Variants in TMED5 observed in about 807,000 individuals in gnomAD.
TMED5 encodes the protein transmembrane p24 trafficking protein 5.
In TMED5, 27 loss-of-function variants were observed where a neutral mutation model predicts 23.0. The observed-to-expected ratio is 1.17, with a 90% CI of 0.86 to 1.62. The LOEUF is 1.62. Ranked by LOEUF, TMED5 falls within the 40% of genes most tolerant of loss-of-function variation. The probability of loss-of-function intolerance (pLI) is 0.00; values close to 1 mark genes in which losing one functional copy is unlikely to be tolerated. For synonymous variants in TMED5, 97 were observed against 100.8 expected (o/e 0.96, Z 0.23); for missense variants, 248 against 273.7 (o/e 0.91, Z 0.66).
In TMED5 at chr1:93,154,396, AT is replaced by A; in HGVS notation, c.*273del. 1 of 394,860 alleles carries A rather than the reference AT, an allele frequency of 2.5e-6. No individual in the cohort carries two copies. The highest frequency in any genetic ancestry group is 4.5e-6 in the Non-Finnish European group (1 of 221,324). The allele number at this position is 394,860 out of a possible 1,614,324, so 24.5% of individuals were successfully genotyped here. The stretch of plus-strand genomic sequence containing the variant: ...TTAAATCACCTAAGACATTTGCAAA[AT>A]TTTTCAAAGTTAGGAAAATGCAGTT... On this transcript the variant is annotated 3_prime_UTR_variant, in exon 4 of 4. Coordinates refer to ENST00000370282, the MANE Select transcript of TMED5 (RefSeq NM_016040.5).
At chr1:93,155,803 T>C (rs1008960243) in intron 3 of TMED5, among the ~76,000 whole-genome samples, 4 of 152,168 alleles carry the variant, frequency 2.6e-5, no homozygotes, top group African/African-American at 7.2e-5. Context: ...AAAAACCCAA[T>C]TGATATAACT....
chr1:93,173,187 C>A (rs1359319859), intron 1 of TMED5, among the ~76,000 whole-genome samples: 1 of 152,162 alleles, frequency 6.6e-6, no homozygotes, highest in Non-Finnish European at 1.5e-5. Flanking sequence ...TTCAAAATAA[C>A]TGAGACTGAA....
chr1:93,171,968 G>T (rs1181527357), intron 1 of TMED5, among the ~76,000 whole-genome samples: 1 of 152,098 alleles, frequency 6.6e-6, no homozygotes, highest in Non-Finnish European at 1.5e-5. Context: ...GATGATCACA[G>T]CAATGGGTAT....
At chr1:93,169,680 A>C (rs1247047853) in intron 1 of TMED5, among the ~76,000 whole-genome samples, 5 of 152,170 alleles carry the variant, frequency 3.3e-5, no homozygotes, top group African/African-American at 1.2e-4. Flanking sequence ...AACCAAGAAA[A>C]AAAAGAGAAA....
chr1:93,165,382 A>G (rs1170476055), intron 1 of TMED5, among the ~76,000 whole-genome samples: 1 of 152,226 alleles, frequency 6.6e-6, no homozygotes, highest in African/African-American at 2.4e-5. Flanking sequence ...GTTCAAAGTA[A>G]TAATAGCAAC....
chr1:93,174,927 T>C (rs1439639595), intron 1 of TMED5, among the ~76,000 whole-genome samples: 4 of 151,994 alleles, frequency 2.6e-5, no homozygotes, highest in South Asian at 2.1e-4. Flanking sequence ...TCTTTGCTAT[T>C]GTGAATAGTG....
intron 3 of TMED5, chr1:93,155,980 G>T: frequency 3.4e-6 from 3 of 882,898 alleles, no homozygotes; most frequent in South Asian, 2.1e-5. Flanking sequence ...ATAATCAGAA[G>T]CATAATCTAT....
rs2101122676 is a variant in TMED5, at chr1:93,154,987, C to G, written c.472-99G>C. On this transcript the variant is annotated intron_variant, in intron 3 of 3. Transcript: ENST00000370282. Reference sequence around the variant, plus strand: ...GTGCAGTGACTCATGCCTTGTAATCCTGGAACTTTGGGAGACTAGGGCAGG... The same window carrying G: ...GTGCAGTGACTCATGCCTTGTAATCGTGGAACTTTGGGAGACTAGGGCAGG... 3 of 887,646 alleles carry G rather than the reference C, an allele frequency of 3.4e-6. No individual in the cohort carries two copies. The East Asian group carries it at 8.0e-5, about 24-fold the overall frequency. The allele number at this position is 887,646 out of a possible 1,614,324, so 55.0% of individuals were successfully genotyped here.
At chr1:93,175,410 G>T (rs1004508562) in intron 1 of TMED5, among the ~76,000 whole-genome samples, 1 of 144,084 alleles carries the variant, frequency 6.9e-6, no homozygotes, top group Non-Finnish European at 1.5e-5. Flanking sequence ...ATATGTATAT[G>T]AATATATTAT....
chr1:93,159,995 A>G, intron 2 of TMED5, 134 bp downstream of exon 2: 1 of 560,448 alleles, frequency 1.8e-6, no homozygotes, highest in South Asian at 2.7e-5. Context: ...ATGGCACACT[A>G]TCATGAACTG....
In TMED5 at chr1:93,167,739, CTTTA is replaced by C. The variant is rs1037910084; in HGVS notation, c.190-7517_190-7514del. Among the ~76,000 whole-genome samples, 19 of 152,090 alleles carry C rather than the reference CTTTA, an allele frequency of 1.2e-4. No homozygotes were observed. In the East Asian group the frequency reaches 3.1e-3, roughly 25 times the overall value. On this transcript the variant is annotated intron_variant, in intron 1 of 3. Transcript: ENST00000370282. ...CTTCTTCCTTTCCAAATTGGATGCCCTTTATTTGTTTCTCTTCTCTGACTGCTGT... is the reference window on the plus strand; with the variant it reads ...CTTCTTCCTTTCCAAATTGGATGCCCTTTGTTTCTCTTCTCTGACTGCTGT...
chr1:93,161,567 G>C (rs1421114666), intron 1 of TMED5: 5 of 152,124 alleles, frequency 3.3e-5, no homozygotes, highest in African/African-American at 1.2e-4. Context: ...CATTGCCAAG[G>C]TCTCATTTTG....
intron 2 of TMED5, among the ~76,000 whole-genome samples, chr1:93,159,045 AATT>A (rs536856726): frequency 4.1e-4 from 63 of 152,274 alleles, no homozygotes; most frequent in African/African-American, 1.4e-3. Flanking sequence ...TATCTTAAAA[AATT>A]ATTGTTGAGA....
rs565959420 is a variant in TMED5, at chr1:93,178,643, T to C, written c.189+1411A>G. Among the ~76,000 whole-genome samples, 40 of 152,296 alleles carry C rather than the reference T, an allele frequency of 2.6e-4. No homozygotes were observed. In the South Asian group the frequency reaches 3.7e-3, roughly 14 times the overall value. ...TGGCACGTGTTAACTGTTCAGTAAATGTTGAACTTTTGAACTTTACTGGAA... is the reference window on the plus strand; with the variant it reads ...TGGCACGTGTTAACTGTTCAGTAAACGTTGAACTTTTGAACTTTACTGGAA... On this transcript the variant is annotated intron_variant, in intron 1 of 3. Coordinates refer to ENST00000370282, the MANE Select transcript of TMED5 (RefSeq NM_016040.5).
At chr1:93,174,027 G>C (rs1201196518) in intron 1 of TMED5, among the ~76,000 whole-genome samples, 1 of 151,938 alleles carries the variant, frequency 6.6e-6, no homozygotes, top group East Asian at 1.9e-4. Context: ...GCACGATCTC[G>C]GCTCACTGCA....
At chr1:93,178,635 TCA>T (rs1649039111) in intron 1 of TMED5, among the ~76,000 whole-genome samples, 1 of 152,206 alleles carries the variant, frequency 6.6e-6, no homozygotes, top group Non-Finnish European at 1.5e-5. Flanking sequence ...TGTTAACTGT[TCA>T]GTAAATGTTG....
intron 3 of TMED5, chr1:93,156,027 C>A: frequency 7.1e-7 from 1 of 1,414,362 alleles, no homozygotes; most frequent in South Asian, 1.5e-5. Flanking sequence ...ATTTATAAAA[C>A]AAACTTACCA....
chr1:93,165,513 G>A (rs1648469694), intron 1 of TMED5, among the ~76,000 whole-genome samples: 2 of 152,040 alleles, frequency 1.3e-5, no homozygotes, highest in Admixed American at 6.6e-5. Flanking sequence ...AAGTGGACTT[G>A]GATTAGTTGT....
At chr1:93,174,647 CCCT>C (rs1217308450) in intron 1 of TMED5, among the ~76,000 whole-genome samples, 5 of 152,290 alleles carry the variant, frequency 3.3e-5, no homozygotes, top group East Asian at 1.9e-4. Flanking sequence ...CTTCCACCCT[CCCT>C]CCTCAAGTAA....
Sources: allele counts gnomAD v4.1 joint callset (sites outside exome capture counted in the v4.1 genomes callset), GRCh38; gene constraint gnomAD v4.1.1; transcripts MANE v1.5; gene names NCBI Gene and HGNC (gene_info 2026-07-23, HGNC 2026-07-21).